Variants in ZNF148 observed in about 807,000 individuals in gnomAD.
ZNF148 encodes Beta-Enolase Repressor Factor-1.
ZNF148 carries 7 observed loss-of-function variants against 67.7 expected under a neutral mutation model. The observed-to-expected ratio is 0.10, with a 90% CI of 0.06 to 0.19. ZNF148 has a LOEUF of 0.19. Among genes scored for constraint, ZNF148 ranks in the 10% least tolerant of loss-of-function variants. ZNF148 has a pLI of 1.00. For synonymous variants in ZNF148, 333 were observed against 330.7 expected, an observed-to-expected ratio of 1.01 and a Z score of -0.08; for missense variants, 583 against 947.1, an observed-to-expected ratio of 0.62 and a Z score of 5.05.
chr3:125,330,064 G>A (rs1559761174), intron 2 of ZNF148, among the ~76,000 whole-genome samples: 1 of 152,146 alleles, frequency 6.6e-6, no homozygotes, highest in African/African-American at 2.4e-5. Flanking sequence ...CGTGGGTAAA[G>A]AAGTGAAAAA....
intron 2 of ZNF148, among the ~76,000 whole-genome samples, chr3:125,325,239 G>A (rs1482251724): frequency 6.6e-6 from 1 of 151,988 alleles, no homozygotes; most frequent in Non-Finnish European, 1.5e-5. Context: ...AAATTCATCA[G>A]AAGGGCTCAA....
intron 7 of ZNF148, among the ~76,000 whole-genome samples, chr3:125,236,008 G>A (rs979938719): frequency 6.6e-6 from 1 of 150,410 alleles, no homozygotes; most frequent in Non-Finnish European, 1.5e-5. Flanking sequence ...TAAATGACGA[G>A]TTAATGGGTG....
rs1935797938 is a variant in ZNF148 at position 125,230,291 on chromosome 3, C to T, written c.*2050G>A. 6.6e-6 allele frequency: 1 copy of T among 152,554 alleles called. No homozygotes were observed. The highest frequency in any genetic ancestry group is 6.6e-5 in the Admixed American group (1 of 15,248). The allele number at this position is 152,554 out of a possible 1,614,324, so 9.5% of individuals were successfully genotyped here. ...AATACCAATGCCTATTTAGGGTGAG[C>T]ACAGTTCCATTTTTAACGTATCACC... On this transcript the variant is annotated 3_prime_UTR_variant, in exon 9 of 9. Transcript: ENST00000360647.
intron 4 of ZNF148, among the ~76,000 whole-genome samples, chr3:125,300,377 A>G (rs887413189): frequency 6.6e-6 from 1 of 152,216 alleles, no homozygotes; most frequent in Admixed American, 6.5e-5. Flanking sequence ...AACCAAAACT[A>G]CTACTGAATC....
chr3:125,349,904 A>T (rs1255148128), intron 1 of ZNF148, among the ~76,000 whole-genome samples: 4 of 152,216 alleles, frequency 2.6e-5, no homozygotes, highest in Admixed American at 2.6e-4. Context: ...CTGGGTGTAT[A>T]TCCAAAAGAA....
chr3:125,265,321 T>C (rs1363413148), intron 7 of ZNF148, among the ~76,000 whole-genome samples: 1 of 152,238 alleles, frequency 6.6e-6, no homozygotes, highest in Non-Finnish European at 1.5e-5. Context: ...CAAGAGCTTC[T>C]TCAGCCTTGC....
At chr3:125,365,445 T>G (rs139633587) in intron 1 of ZNF148, among the ~76,000 whole-genome samples, 2 of 152,332 alleles carry the variant, frequency 1.3e-5, no homozygotes, top group East Asian at 3.9e-4. Flanking sequence ...ACTAAAATTA[T>G]ACTCTAATGT....
chr3:125,262,717 C>T (rs1386025488), intron 7 of ZNF148, among the ~76,000 whole-genome samples: 2 of 152,144 alleles, frequency 1.3e-5, no homozygotes, highest in Non-Finnish European at 1.5e-5. Context: ...AAGACTTTAC[C>T]ACTTCTAAGA....
chr3:125,255,336 T>A (rs149941983), intron 7 of ZNF148, among the ~76,000 whole-genome samples: 1,501 of 131,174 alleles, frequency 0.011, 13 homozygotes, highest in Non-Finnish European at 0.015. Flanking sequence ...AACCTCTGCC[T>A]CCCAGGTTCA....
intron 7 of ZNF148, among the ~76,000 whole-genome samples, chr3:125,254,124 T>C (rs1273423333): frequency 1.3e-5 from 2 of 152,234 alleles, no homozygotes; most frequent in African/African-American, 2.4e-5. Context: ...TGGTAAACTG[T>C]ATTATTTTAG....
At chr3:125,264,811 T>G (rs1262425999) in intron 7 of ZNF148, among the ~76,000 whole-genome samples, 9 of 152,222 alleles carry the variant, frequency 5.9e-5, no homozygotes, top group Admixed American at 5.9e-4. Context: ...GATAGTAGTA[T>G]TCCTGAGAAA....
At chr3:125,271,497 T>G (rs1937732590) in intron 7 of ZNF148, among the ~76,000 whole-genome samples, 1 of 152,214 alleles carries the variant, frequency 6.6e-6, no homozygotes, top group African/African-American at 2.4e-5. Flanking sequence ...TGATGTCACT[T>G]CGAAATTTCC....
intron 1 of ZNF148, among the ~76,000 whole-genome samples, chr3:125,351,455 G>A (rs1399850522): frequency 1.4e-5 from 2 of 142,960 alleles, no homozygotes; most frequent in African/African-American, 5.2e-5. Flanking sequence ...AAATGAAAAC[G>A]TTCTAGAGAT....
chr3:125,298,377 T>C (rs201633320), intron 4 of ZNF148, among the ~76,000 whole-genome samples: 7 of 39,980 alleles, frequency 1.8e-4, no homozygotes, highest in Admixed American at 5.8e-4. Flanking sequence ...ACACACATGC[T>C]CCTTTCCAAT....
chr3:125,306,337 C>T (rs1029574349), intron 4 of ZNF148, among the ~76,000 whole-genome samples: 2 of 151,858 alleles, frequency 1.3e-5, no homozygotes, highest in Non-Finnish European at 2.9e-5. Flanking sequence ...TAGTGAAAAT[C>T]GATAAAACCG....
chr3:125,302,202 T>C (rs189778566), intron 4 of ZNF148, among the ~76,000 whole-genome samples: 1 of 151,174 alleles, frequency 6.6e-6, no homozygotes, highest in Non-Finnish European at 1.5e-5. Flanking sequence ...CATACTGAGA[T>C]CCCATCTCTG....
intron 4 of ZNF148, among the ~76,000 whole-genome samples, chr3:125,291,861 C>T (rs1430382207): frequency 6.6e-6 from 1 of 152,052 alleles, no homozygotes; most frequent in East Asian, 1.9e-4. Flanking sequence ...TTAACTATCA[C>T]TAGAAGGAAC....
At chr3:125,257,533 C>G (rs1272110712) in intron 7 of ZNF148, among the ~76,000 whole-genome samples, 9 of 132,642 alleles carry the variant, frequency 6.8e-5, no homozygotes, top group Non-Finnish European at 1.1e-4. Context: ...CCAGCCTGGG[C>G]GACAGAGCGA....
At chr3:125,373,776 G>A (rs971909399) in intron 1 of ZNF148, among the ~76,000 whole-genome samples, 6 of 152,126 alleles carry the variant, frequency 3.9e-5, no homozygotes, top group Admixed American at 6.5e-5. Flanking sequence ...ACTGTGAATG[G>A]CAGAAGATCT....
Sources: allele counts gnomAD v4.1 joint callset (sites outside exome capture counted in the v4.1 genomes callset), GRCh38; gene constraint gnomAD v4.1.1; transcripts MANE v1.5; gene names NCBI Gene and HGNC (gene_info 2026-07-23, HGNC 2026-07-21).